Variants in BEST3 observed in about 807,000 individuals in gnomAD.
BEST3 encodes the protein bestrophin-3.
A neutral mutation model predicts 47.1 loss-of-function variants in BEST3; 50 were observed. That is an observed-to-expected ratio of 1.06 (90% CI 0.85 to 1.34). The LOEUF (loss-of-function observed/expected upper bound fraction) is 1.34. BEST3 is among the 40% of genes most tolerant of loss of function. BEST3 has a pLI of 0.00. For missense variants in BEST3, 765 were observed against 817.0 expected, an observed-to-expected ratio of 0.94 and a Z score of 0.78; for synonymous variants, 282 against 298.8, an observed-to-expected ratio of 0.94 and a Z score of 0.58.
intron 5 of BEST3, 40 bp downstream of exon 5, chr12:69,678,699 C>G (rs3741755): frequency 0.39 from 618,843 of 1,595,536 alleles, 123,597 homozygotes; most frequent in South Asian, 0.56. Flanking sequence ...TTCTTGGTCT[C>G]TAATTAGCGT....
At chr12:69,679,446 C>T (rs1456512957) in intron 4 of BEST3, among the ~76,000 whole-genome samples, 2 of 152,194 alleles carry the variant, frequency 1.3e-5, no homozygotes, top group African/African-American at 4.8e-5. Context: ...ACATGGTACT[C>T]GCTCTTGGCT....
At chr12:69,651,645 G>A (rs2135899820), downstream of BEST3, among the ~76,000 whole-genome samples, 1 of 151,934 alleles carries the variant, frequency 6.6e-6, no homozygotes, top group East Asian at 1.9e-4. Flanking sequence ...TGTGATGGCG[G>A]GTCCCTGTAA....
intron 8 of BEST3, among the ~76,000 whole-genome samples, chr12:69,671,850 C>T (rs1884598203): frequency 6.6e-6 from 1 of 152,116 alleles, no homozygotes. Context: ...AGTGGAGTTG[C>T]CTCTTAGCTG....
intron 8 of BEST3, 70 bp downstream of exon 8, chr12:69,672,815 C>T: frequency 8.4e-7 from 1 of 1,192,400 alleles, no homozygotes. Context: ...CATTTGAAAT[C>T]TGCTTAGATT....
At chr12:69,682,255 C>G (rs73327768) in intron 4 of BEST3, among the ~76,000 whole-genome samples, 3,852 of 152,188 alleles carry the variant, frequency 0.025, 180 homozygotes, top group African/African-American at 0.088. Context: ...GCAGAAAATT[C>G]TGACACATAG....
chr12:69,654,753 G>T lies in BEST3; in HGVS notation c.*154C>A. On this transcript the variant is annotated 3_prime_UTR_variant, in exon 10 of 10. Coordinates refer to ENST00000330891, the MANE Select transcript of BEST3 (RefSeq NM_032735.3). ...TTTTTCGCAGCTCTCAAAAAGTCAGGATCATAATGCCCTTCAAAGTTCTAA... is the reference window on the plus strand; with the variant it reads ...TTTTTCGCAGCTCTCAAAAAGTCAGTATCATAATGCCCTTCAAAGTTCTAA... The T allele has an allele frequency of 7.3e-7, 1 of 1,364,354 alleles. No individual in the cohort carries two copies. Among genetic ancestry groups the T allele is most frequent in the Admixed American group, 3.1e-5 (1 of 32,204 alleles). 84.5% of individuals were successfully genotyped at this position (1,364,354 alleles called of 1,614,324 possible).
In BEST3 at chr12:69,654,455, A is replaced by G. The variant is rs1474566508; in HGVS notation, c.*452T>C. ...TTAGGAAGGAGGGGATCTTTCAGGC[A>G]TTAGGTGATCCATCTCCTTTCTTTA... On this transcript the variant is annotated 3_prime_UTR_variant, in exon 10 of 10. Coordinates refer to ENST00000330891, the MANE Select transcript of BEST3 (RefSeq NM_032735.3). 13 of 987,384 alleles carry G rather than the reference A, an allele frequency of 1.3e-5. No homozygotes were observed. The highest frequency in any genetic ancestry group is 1.6e-5 in the Non-Finnish European group (13 of 831,376). 61.2% of individuals were successfully genotyped at this position (987,384 alleles called of 1,614,324 possible). A position where few individuals can be genotyped will look rare whatever the true frequency, so the allele number is the denominator to read the frequency against.
At chr12:69,674,228 A>G (rs1244553213) in intron 7 of BEST3, among the ~76,000 whole-genome samples, 2 of 152,142 alleles carry the variant, frequency 1.3e-5, no homozygotes, top group Non-Finnish European at 2.9e-5. Flanking sequence ...TCAGTAGAAA[A>G]TCTACCTACT....
chr12:69,676,784 T>G lies in BEST3; in HGVS notation c.867+132A>C, dbSNP rs1054346784. ...ATCTCTGGCAGAAAAGTAATAACAT[T>G]GCTGAGCCATTACATGTTAAATCTA... On this transcript the variant is annotated intron_variant, in intron 7 of 9. Coordinates refer to ENST00000330891, the MANE Select transcript of BEST3 (RefSeq NM_032735.3). 4.9e-5 allele frequency: 49 copies of G among 990,362 alleles called. No individual in the cohort carries two copies. The African/African-American group carries it at 7.3e-4, about 15-fold the overall frequency. 61.3% of individuals were successfully genotyped at this position (990,362 alleles called of 1,614,324 possible).
intron 9 of BEST3, among the ~76,000 whole-genome samples, chr12:69,663,950 GT>G (rs1884025267): frequency 6.6e-6 from 1 of 152,192 alleles, no homozygotes; most frequent in Non-Finnish European, 1.5e-5. Flanking sequence ...TGAGATAATG[GT>G]AAAAGAATTC....
intron 9 of BEST3, among the ~76,000 whole-genome samples, chr12:69,644,545 T>C (rs1033448276): frequency 6.6e-6 from 1 of 152,222 alleles, no homozygotes; most frequent in Non-Finnish European, 1.5e-5. Context: ...TAAGTAACTC[T>C]ATTTTAATGG....
chr12:69,682,572 A>T (rs2588442), intron 4 of BEST3, among the ~76,000 whole-genome samples: 108,630 of 150,710 alleles, frequency 0.72, 39,134 homozygotes, highest in South Asian at 0.81. Flanking sequence ...GCATGATTAA[A>T]TTTTTTTTTT....
chr12:69,655,708 G>A lies in BEST3; in HGVS notation c.1206C>T (p.His402=), dbSNP rs115474368. The A allele has an allele frequency of 1.6e-3, 2,645 of 1,613,930 alleles. 34 individuals are homozygous for A. The African/African-American group carries it at 0.031, about 19-fold the overall frequency. Residue 402 remains histidine, a synonymous_variant, in exon 10 of 10, where the codon CAC becomes CAT. Coordinates refer to ENST00000330891, the MANE Select transcript of BEST3 (RefSeq NM_032735.3). ...TTCTTCTGGGGCTGGAGGGGTGTTC[G>A]TGGGCACTCAGGAACCGCTTGACTC... ...IRRVKRFLSA[H]EHPSSPRRRS...
At chr12:69,698,807 A>G (rs947997101) in intron 1 of BEST3, among the ~76,000 whole-genome samples, 2 of 152,278 alleles carry the variant, frequency 1.3e-5, no homozygotes, top group African/African-American at 4.8e-5. Flanking sequence ...CCCTAAGGAA[A>G]TGAAACTCTG....
chr12:69,688,975 C>T, intron 4 of BEST3: 1 of 467,846 alleles, frequency 2.1e-6, no homozygotes, highest in Non-Finnish European at 2.8e-6. Flanking sequence ...CTTTTTCTTA[C>T]AGGTGATTTT....
At chr12:69,670,801 A>C (rs1884522451) in intron 9 of BEST3, among the ~76,000 whole-genome samples, 1 of 152,126 alleles carries the variant, frequency 6.6e-6, no homozygotes, top group African/African-American at 2.4e-5. Context: ...TTTTGAGTGG[A>C]GAGTTTCTTA....
At position 69,654,764 on chromosome 12, in the gene BEST3, C is replaced by T; in HGVS notation, c.*143G>A. On this transcript the variant is annotated 3_prime_UTR_variant, in exon 10 of 10. Coordinates refer to ENST00000330891, the MANE Select transcript of BEST3 (RefSeq NM_032735.3). Reference sequence around the variant, plus strand: ...TCTCAAAAAGTCAGGATCATAATGCCCTTCAAAGTTCTAAGTAGCTTATAC... The same window carrying T: ...TCTCAAAAAGTCAGGATCATAATGCTCTTCAAAGTTCTAAGTAGCTTATAC... 7.3e-7 allele frequency: 1 copy of T among 1,375,500 alleles called. No individual in the cohort carries two copies. Among genetic ancestry groups the T allele is most frequent in the Admixed American group, 3.0e-5 (1 of 33,024 alleles). The allele number at this position is 1,375,500 out of a possible 1,614,324, so 85.2% of individuals were successfully genotyped here.
intron 9 of BEST3, among the ~76,000 whole-genome samples, chr12:69,663,335 A>C (rs1369981717): frequency 6.6e-6 from 1 of 152,200 alleles, no homozygotes; most frequent in South Asian, 2.1e-4. Flanking sequence ...TAAGCATTTA[A>C]AATTTCTTTG....
Position 69,654,881 on chromosome 12 carries a change from A to G in BEST3, c.*26T>C. On this transcript the variant is annotated 3_prime_UTR_variant, in exon 10 of 10. Coordinates refer to ENST00000330891, the MANE Select transcript of BEST3 (RefSeq NM_032735.3). ...TTGGGGAGGTAAGAATCTAGGCTAG[A>G]ACCAGGTCCTAGAACTTGGTGGCAC... is the stretch of plus-strand genomic sequence containing the variant. 6.3e-7 allele frequency: 1 copy of G among 1,591,580 alleles called. No homozygotes were observed. Among genetic ancestry groups the G allele is most frequent in the Non-Finnish European group, 8.6e-7 (1 of 1,167,758 alleles).
Sources: gnomAD v4.1 joint callset for allele counts (sites outside exome capture counted in the v4.1 genomes callset) on GRCh38, gnomAD v4.1.1 for gene constraint, MANE v1.5 for transcripts, NCBI Gene and HGNC (gene_info 2026-07-23, HGNC 2026-07-21) for gene names.